Variants in CROCC2 observed in about 807,000 individuals in gnomAD.
CROCC2 encodes the protein ciliary rootlet coiled-coil, rootletin family member 2, also known as ciliary rootlet coiled-coil protein 2.
Under a neutral mutation model 177.6 loss-of-function variants are expected in CROCC2, and 163 were observed. The ratio of observed to expected loss-of-function variants is 0.92; its 90% CI spans 0.81 to 1.05. The LOEUF is 1.05. CROCC2 is among the 50% of genes least tolerant of loss of function. The pLI, the probability that CROCC2 is intolerant of heterozygous loss-of-function variation, is 0.00. For synonymous variants in CROCC2, 904 were observed against 787.3 expected (o/e 1.15, Z -2.48); for missense variants, 1,929 against 1,797.8 (o/e 1.07, Z -1.32).
intron 21 of CROCC2, 51 bp downstream of exon 21, chr2:240,963,824 A>G (rs2059659043): frequency 6.5e-7 from 1 of 1,527,250 alleles, no homozygotes; most frequent in Admixed American, 2.0e-5. Flanking sequence ...CCTGCTGCCC[A>G]CCCAGGCCGT....
In CROCC2 at chr2:240,930,889, A is replaced by G. The variant is rs2106459892; in HGVS notation, c.750-42A>G. Reference sequence around the variant, plus strand: ...ATGGGACCAGGCCCTCCCTCTGCAGATGGGTCCTGAGTCCGCCACAGATGC... The same window carrying G: ...ATGGGACCAGGCCCTCCCTCTGCAGGTGGGTCCTGAGTCCGCCACAGATGC... On this transcript the variant is annotated intron_variant, in intron 6 of 31. Transcript: ENST00000690015. The G allele has an allele frequency of 7.5e-6, 5 of 666,376 alleles. No individual in the cohort carries two copies. In the South Asian group the frequency reaches 8.2e-5, roughly 11 times the overall value. The allele number at this position is 666,376 out of a possible 1,614,324, so 41.3% of individuals were successfully genotyped here. A position where few individuals can be genotyped will look rare whatever the true frequency, so the allele number is the denominator to read the frequency against.
chr2:240,929,834 T>C (rs1559593811), intron 5 of CROCC2: 1 of 482,282 alleles, frequency 2.1e-6, no homozygotes, highest in Non-Finnish European at 4.0e-6. Context: ...CCTGAGCAGT[T>C]CCTGAGAGTA....
chr2:240,927,212 G>A (rs994287388), intron 5 of CROCC2, among the ~76,000 whole-genome samples: 2 of 152,162 alleles, frequency 1.3e-5, no homozygotes, highest in Non-Finnish European at 2.9e-5. Flanking sequence ...TCTTCTCACC[G>A]GCTGCTCTGA....
chr2:240,941,730 A>G (rs1230022818), intron 14 of CROCC2, among the ~76,000 whole-genome samples: 1 of 152,226 alleles, frequency 6.6e-6, no homozygotes, highest in Non-Finnish European at 1.5e-5. Context: ...TTCACAAACA[A>G]TGTAAGACCC....
At position 240,933,330 on chromosome 2, in the gene CROCC2, AG is replaced by A; in HGVS notation, c.1452del (p.Lys484AsnfsTer17). On this transcript the variant is annotated frameshift_variant, in exon 10 of 32. Coordinates refer to ENST00000690015, the MANE Select transcript of CROCC2 (RefSeq NM_001351305.2). LOFTEE classifies it high-confidence loss of function. ...LEVQQCRASC[K>X]LLGREKAALE... The stretch of plus-strand genomic sequence containing the variant: ...GTGCAGCAGTGCCGGGCATCCTGCA[AG>A]CTCCTGGGGAGGTAATGGGGTGAAG... 6.6e-7 allele frequency: 1 copy of A among 1,526,390 alleles called. No homozygotes were observed. Among genetic ancestry groups the A allele is most frequent in the Non-Finnish European group, 8.8e-7 (1 of 1,139,010 alleles). 94.6% of individuals were successfully genotyped at this position (1,526,390 alleles called of 1,614,324 possible). A position where few individuals can be genotyped will look rare whatever the true frequency, so the allele number is the denominator to read the frequency against.
Position 240,982,045 on chromosome 2 carries a change from A to C in CROCC2, c.4402-835A>C, listed in dbSNP as rs2059804323. On this transcript the variant is annotated intron_variant, in intron 27 of 31. Coordinates refer to ENST00000690015, the MANE Select transcript of CROCC2 (RefSeq NM_001351305.2). This position sits in a 1 kb window ranked among gnomAD's most constrained non-coding sequence, Gnocchi z 4.7. Reference sequence around the variant, plus strand: ...AAGCAGGAGGAGAAGGCAGCAGCGTAGGGTGGGGGCGCCAGCGGGGAGGCT... The same window carrying C: ...AAGCAGGAGGAGAAGGCAGCAGCGTCGGGTGGGGGCGCCAGCGGGGAGGCT... The C allele has an allele frequency of 6.6e-6, 1 of 151,952 alleles. No homozygotes were observed. The highest frequency in any genetic ancestry group is 1.5e-5 in the Non-Finnish European group (1 of 68,054). The allele number at this position is 151,952 out of a possible 1,614,324, so 9.4% of individuals were successfully genotyped here.
In CROCC2 at chr2:240,926,050, G is replaced by C. The variant is rs551717333; in HGVS notation, c.645+170G>C. Among the ~76,000 whole-genome samples, 3 of 152,364 alleles carry C rather than the reference G, an allele frequency of 2.0e-5. No individual in the cohort carries two copies. The South Asian group carries it at 6.2e-4, about 32-fold the overall frequency. ...TCCCCAACCCGGCTTGGCCACAGCA[G>C]TCTGTGGAGTGAGGGACTTCGTGGT... On this transcript the variant is annotated intron_variant, in intron 5 of 31. Coordinates refer to ENST00000690015, the MANE Select transcript of CROCC2 (RefSeq NM_001351305.2).
rs1163380194 is a variant in CROCC2 at position 240,949,039 on chromosome 2, G to T, written c.2424G>T (p.Leu808=). Residue 808 remains leucine, a synonymous_variant, in exon 16 of 32, where the codon CTG becomes CTT. Transcript: ENST00000690015. This position sits in a 1 kb window ranked among gnomAD's most constrained non-coding sequence, Gnocchi z 4.5. ...AGGCCCAACAGCTGGCCACAAAGCT[G>T]CAGGAGCAGCTGGAGGAGGAAGCCC... ...LLEAQQLATK[L]QEQLEEEARS... 5.8e-6 allele frequency: 9 copies of T among 1,549,624 alleles called. No individual in the cohort carries two copies. The highest frequency in any genetic ancestry group is 1.2e-5 in the South Asian group (1 of 84,000).
intron 30 of CROCC2, among the ~76,000 whole-genome samples, chr2:240,990,419 G>C (rs749875447): frequency 2.0e-5 from 3 of 152,204 alleles, no homozygotes; most frequent in Non-Finnish European, 4.4e-5. Flanking sequence ...GGACCTTAGA[G>C]CTGTCTGTTC....
At chr2:240,927,019 T>A (rs1290246518) in intron 5 of CROCC2, among the ~76,000 whole-genome samples, 1 of 152,214 alleles carries the variant, frequency 6.6e-6, no homozygotes, top group African/African-American at 2.4e-5. Flanking sequence ...TGAGCTCAGT[T>A]TGGCATTCGA....
chr2:240,909,714 C>A (rs534967564), intron 1 of CROCC2, among the ~76,000 whole-genome samples: 1 of 152,206 alleles, frequency 6.6e-6, no homozygotes, highest in Non-Finnish European at 1.5e-5. Context: ...GGAGGCTACG[C>A]AGGCCCCAGT....
chr2:240,909,507 G>C (rs975861800), intron 1 of CROCC2, among the ~76,000 whole-genome samples: 52 of 152,360 alleles, frequency 3.4e-4, no homozygotes, highest in Non-Finnish European at 6.6e-4. Flanking sequence ...AGCCCTGTGA[G>C]GATTCTCATC....
intron 7 of CROCC2, among the ~76,000 whole-genome samples, chr2:240,931,901 C>A (rs914769494): frequency 6.6e-6 from 1 of 152,234 alleles, no homozygotes; most frequent in Non-Finnish European, 1.5e-5. Flanking sequence ...GAAGGGGGAC[C>A]TGGGGTCTTT....
chr2:240,910,684 ATTC>A (rs1337611586), intron 1 of CROCC2, among the ~76,000 whole-genome samples: 2 of 152,166 alleles, frequency 1.3e-5, no homozygotes, highest in Non-Finnish European at 2.9e-5. Flanking sequence ...GGCTCATAGT[ATTC>A]TTATCTTGTG....
chr2:240,925,290 T>C (rs996224763), intron 4 of CROCC2, among the ~76,000 whole-genome samples: 2 of 152,102 alleles, frequency 1.3e-5, no homozygotes, highest in Non-Finnish European at 2.9e-5. Context: ...GACCTACTTG[T>C]GGTGGGGAAG....
At chr2:240,988,634 AT>A in intron 28 of CROCC2, 104 bp from the exon 29 acceptor site, 1 of 1,190,042 alleles carries the variant, frequency 8.4e-7, no homozygotes, top group South Asian at 3.4e-5. Flanking sequence ...TCTTAGGGGA[AT>A]TCAGAGTCCT....
intron 1 of CROCC2, among the ~76,000 whole-genome samples, chr2:240,909,985 A>T (rs191895637): frequency 6.6e-6 from 1 of 152,010 alleles, no homozygotes; most frequent in South Asian, 2.1e-4. Context: ...GATGGCGAAC[A>T]TGCTCCCAGG....
intron 13 of CROCC2, 123 bp from the exon 14 acceptor site, chr2:240,935,235 A>G (rs572658652): frequency 1.4e-4 from 167 of 1,193,360 alleles, no homozygotes; most frequent in Middle Eastern, 7.4e-4. Flanking sequence ...GAGGGAAGAG[A>G]GTGCCCCTGG....
intron 14 of CROCC2, among the ~76,000 whole-genome samples, chr2:240,945,685 T>A (rs2059519527): frequency 2.0e-5 from 3 of 152,190 alleles, no homozygotes; most frequent in Admixed American, 6.5e-5. Context: ...ATTTTTATGA[T>A]GTTCTTGGTG....
Sources: allele counts gnomAD v4.1 joint callset (sites outside exome capture counted in the v4.1 genomes callset), GRCh38; gene constraint gnomAD v4.1.1; non-coding constraint Gnocchi (gnomAD v3.1); transcripts MANE v1.5; gene names NCBI Gene and HGNC (gene_info 2026-07-23, HGNC 2026-07-21).